DIPK2A: variants seen among roughly 807,000 people sequenced by gnomAD.
DIPK2A encodes Golgi Protein of 49 kDa.
A neutral mutation model predicts 39.0 loss-of-function variants in DIPK2A; 27 were observed. That is an observed-to-expected ratio of 0.69 (90% CI 0.51 to 0.96). The LOEUF (loss-of-function observed/expected upper bound fraction) is 0.96. Ranked by LOEUF, DIPK2A falls within the 40% of genes least tolerant of loss-of-function variation. The pLI is 0.00. For synonymous variants in DIPK2A, 298 were observed against 240.8 expected (o/e 1.24, Z -2.20); for missense variants, 528 against 571.3 (o/e 0.92, Z 0.77).
chr3:143,975,115 A>C (rs2087710835), intron 1 of DIPK2A, among the ~76,000 whole-genome samples: 1 of 152,144 alleles, frequency 6.6e-6, no homozygotes, highest in Non-Finnish European at 1.5e-5. Flanking sequence ...TAGGATAAGA[A>C]TTTGTTTTTA....
intron 1 of DIPK2A, among the ~76,000 whole-genome samples, chr3:143,978,281 C>G (rs2087758785): frequency 6.6e-6 from 1 of 151,876 alleles, no homozygotes; most frequent in African/African-American, 2.4e-5. Context: ...AATTTAAATC[C>G]TGCATTTTTC....
intron 1 of DIPK2A, among the ~76,000 whole-genome samples, chr3:143,975,672 C>T (rs2087718861): frequency 6.6e-6 from 1 of 151,904 alleles, no homozygotes; most frequent in African/African-American, 2.4e-5. Flanking sequence ...ATTTGGCTGT[C>T]TATTGCTTCA....
In DIPK2A at chr3:143,977,371, G is replaced by A. The variant is rs28694285; in HGVS notation, c.657+4382G>A. 7.6e-3 allele frequency among the ~76,000 whole-genome samples: 1,156 copies of A among 151,894 alleles called. 8 individuals carry two copies. The highest frequency in any genetic ancestry group is 0.026 in the African/African-American group (1,098 of 41,436). On this transcript the variant is annotated intron_variant, in intron 1 of 2. Transcript: ENST00000315691. ...GTTTTCTTTTGAACTTTAACGAGTG[G>A]GTTTAATTAAGCTCTTCTGAAAGGG... is the stretch of plus-strand genomic sequence containing the variant.
In DIPK2A at chr3:143,985,782, T is replaced by C. The variant is rs141092532; in HGVS notation, c.897T>C (p.Asp299=). The change falls in exon 2 of 3, where the codon GAT becomes GAC. Residue 299 remains aspartate, a synonymous_variant. Coordinates refer to ENST00000315691, the MANE Select transcript of DIPK2A (RefSeq NM_173552.5). Reference sequence around the variant, plus strand: ...ACAATTTTGCAGTTGGTCCTAGAGATGGGAAGGTAATCATTGTGGATGCTG... The same window carrying C: ...ACAATTTTGCAGTTGGTCCTAGAGACGGGAAGGTAATCATTGTGGATGCTG... The part of the protein sequence containing the change: ...SFDNFAVGPR[D]GKVIIVDAEN... 5.0e-6 allele frequency: 8 copies of C among 1,613,996 alleles called. No individual in the cohort carries two copies. The highest frequency in any genetic ancestry group is 2.7e-5 in the African/African-American group (2 of 74,932).
intron 1 of DIPK2A, among the ~76,000 whole-genome samples, chr3:143,983,508 A>G (rs1336186694): frequency 6.6e-6 from 1 of 152,232 alleles, no homozygotes; most frequent in Non-Finnish European, 1.5e-5. Context: ...TTTGAAACCA[A>G]TGAGAACAAA....
At chr3:143,987,244 G>A (rs901808864) in intron 2 of DIPK2A, among the ~76,000 whole-genome samples, 2 of 152,052 alleles carry the variant, frequency 1.3e-5, no homozygotes, top group African/African-American at 2.4e-5. Context: ...TATTCATAGA[G>A]TTGTGCAATT....
At chr3:143,973,145 C>G (rs1325214855) in intron 1 of DIPK2A, 156 bp downstream of exon 1, 1 of 1,156,570 alleles carries the variant, frequency 8.6e-7, no homozygotes. Context: ...GGGGGAGCCC[C>G]GGGGCTGTGC....
In DIPK2A at chr3:143,989,933, G is replaced by A; in HGVS notation, c.*92G>A. ...CGATCTGAAAAAATGAAATTTGGAAGTGTTACATTCAGAGGATGATAAACT... is the reference window on the plus strand; with the variant it reads ...CGATCTGAAAAAATGAAATTTGGAAATGTTACATTCAGAGGATGATAAACT... On this transcript the variant is annotated 3_prime_UTR_variant, in exon 3 of 3. Coordinates refer to ENST00000315691, the MANE Select transcript of DIPK2A (RefSeq NM_173552.5). The A allele has an allele frequency of 2.1e-6, 2 of 942,608 alleles. No individual in the cohort carries two copies. The highest frequency in any genetic ancestry group is 3.2e-6 in the Non-Finnish European group (2 of 627,576). The allele number at this position is 942,608 out of a possible 1,614,324, so 58.4% of individuals were successfully genotyped here.
intron 1 of DIPK2A, chr3:143,973,348 G>A (rs1256930422): frequency 6.5e-7 from 1 of 1,543,650 alleles, no homozygotes; most frequent in East Asian, 2.4e-5. Context: ...GGGGCTTGCA[G>A]GTCCGCGGCG....
At chr3:143,975,538 C>T (rs2087716967) in intron 1 of DIPK2A, among the ~76,000 whole-genome samples, 1 of 151,980 alleles carries the variant, frequency 6.6e-6, no homozygotes. Flanking sequence ...GTAAGTCAAA[C>T]CATGATGTTC....
Position 143,985,741 on chromosome 3 carries a change from C to T in DIPK2A, c.856C>T (p.Leu286=). 1 of 1,614,148 alleles carries T rather than the reference C, an allele frequency of 6.2e-7. No individual in the cohort carries two copies. Among genetic ancestry groups the T allele is most frequent in the Non-Finnish European group, 8.5e-7 (1 of 1,179,980 alleles). ...NNDFEFALYL[L]DVSFDNFAVG... is the part of the protein sequence containing the mutation. The stretch of plus-strand genomic sequence containing the variant: ...TGACTTTGAATTTGCACTCTACCTC[C>T]TGGACGTCAGCTTTGACAATTTTGC... Residue 286 remains leucine (L), a synonymous_variant, in exon 2 of 3, where the codon CTG becomes TTG. Transcript: ENST00000315691.
At chr3:143,974,728 A>G (rs1441664881) in intron 1 of DIPK2A, among the ~76,000 whole-genome samples, 3 of 152,046 alleles carry the variant, frequency 2.0e-5, no homozygotes, top group Non-Finnish European at 4.4e-5. Context: ...AATTTTGAAT[A>G]GTGATGTATT....
At chr3:143,986,950 A>G (rs2087911536) in intron 2 of DIPK2A, among the ~76,000 whole-genome samples, 1 of 152,116 alleles carries the variant, frequency 6.6e-6, no homozygotes, top group South Asian at 2.1e-4. Context: ...CCTGGGGAAA[A>G]GTTTATGTGA....
chr3:143,971,965 A>G lies in DIPK2A; in HGVS notation c.-368A>G, dbSNP rs2087651763. On this transcript the variant is annotated 5_prime_UTR_variant, in exon 1 of 3. Transcript: ENST00000315691. ...TGGCTGCCGCCGCAGCTCTTGTGCG[A>G]AGCCAGCAGTGCGCGTGCGCGCGGG... 1 of 230,844 alleles carries G rather than the reference A, an allele frequency of 4.3e-6. No homozygotes were observed. Among genetic ancestry groups the G allele is most frequent in the African/African-American group, 2.3e-5 (1 of 44,274 alleles). 14.3% of individuals were successfully genotyped at this position (230,844 alleles called of 1,614,324 possible).
chr3:143,973,031 GC>G lies in DIPK2A; in HGVS notation c.657+43del. ...GGCAGGGGGCGTCCTGGGAGGGGCC[GC>G]GCGTGGGAATCAGAGTCGGGAGAAG... On this transcript the variant is annotated intron_variant, in intron 1 of 2. Coordinates refer to ENST00000315691, the MANE Select transcript of DIPK2A (RefSeq NM_173552.5). 4 of 1,538,194 alleles carry G rather than the reference GC, an allele frequency of 2.6e-6. No individual in the cohort carries two copies. In the South Asian group the frequency reaches 4.7e-5, roughly 18 times the overall value.
rs895811010 is a variant in DIPK2A, at chr3:143,990,888, T to C, written c.*1047T>C. On this transcript the variant is annotated 3_prime_UTR_variant, in exon 3 of 3. Coordinates refer to ENST00000315691, the MANE Select transcript of DIPK2A (RefSeq NM_173552.5). ...TTTTTTCTGTTGAAAGTTAAACTAC[T>C]GCTTTCAAGTAATTTAAAGTTATCC... 112 of 152,644 alleles carry C rather than the reference T, an allele frequency of 7.3e-4. No individual in the cohort carries two copies. Among genetic ancestry groups the C allele is most frequent in the African/African-American group, 2.6e-3 (107 of 41,476 alleles). 9.5% of individuals were successfully genotyped at this position (152,644 alleles called of 1,614,324 possible).
At chr3:143,974,712 T>G (rs1301716393) in intron 1 of DIPK2A, among the ~76,000 whole-genome samples, 3 of 152,118 alleles carry the variant, frequency 2.0e-5, no homozygotes, top group Admixed American at 2.0e-4. Flanking sequence ...TTTTTTTTTT[T>G]TAGGTAATTT....
chr3:143,981,677 AAACAGAAACAAAAAC>A (rs1467979413), intron 1 of DIPK2A, among the ~76,000 whole-genome samples: 22 of 152,334 alleles, frequency 1.4e-4, no homozygotes, highest in Admixed American at 1.4e-3. Context: ...GCAAAAACAA[AAACAGAAACAAAAAC>A]AAAACAAAAA....
At chr3:143,973,156 A>G (rs990489733) in intron 1 of DIPK2A, 167 bp downstream of exon 1, 6 of 1,057,444 alleles carry the variant, frequency 5.7e-6, no homozygotes, top group Non-Finnish European at 8.4e-6. Context: ...GGGGCTGTGC[A>G]GGGAGGCCGA....
Sources: gnomAD v4.1 joint callset for allele counts (sites outside exome capture counted in the v4.1 genomes callset) on GRCh38, gnomAD v4.1.1 for gene constraint, MANE v1.5 for transcripts, NCBI Gene and HGNC (gene_info 2026-07-23, HGNC 2026-07-21) for gene names.